CD200R1: variants seen among roughly 807,000 people sequenced by gnomAD.
CD200R1 encodes cell surface glycoprotein CD200 receptor 1.
Under a neutral mutation model 38.1 loss-of-function variants are expected in CD200R1, and 30 were observed. The observed-to-expected ratio is 0.79, with a 90% CI of 0.59 to 1.07. CD200R1 has a LOEUF of 1.07. Among genes scored for constraint, CD200R1 ranks in the 50% least tolerant of loss-of-function variants. The pLI, the probability that CD200R1 is intolerant of heterozygous loss-of-function variation, is 0.00. For synonymous variants in CD200R1, 128 were observed against 152.1 expected, an observed-to-expected ratio of 0.84 and a Z score of 1.16; for missense variants, 372 against 415.4, an observed-to-expected ratio of 0.90 and a Z score of 0.91.
intron 2 of CD200R1, among the ~76,000 whole-genome samples, chr3:112,938,868 A>G (rs1236693500): frequency 6.6e-6 from 1 of 152,056 alleles, no homozygotes; most frequent in African/African-American, 2.4e-5. Context: ...ATAAACATAT[A>G]TATAAAATAC....
In CD200R1 at chr3:112,947,920, C is replaced by T. The variant is rs145811094; in HGVS notation, c.72G>A (p.Ala24=). The T allele has an allele frequency of 3.8e-5, 61 of 1,610,072 alleles. No homozygotes were observed. The highest frequency in any genetic ancestry group is 8.9e-5 in the East Asian group (4 of 44,840). ...AGTTGTTTGGTTGAGCAGCACCCTC[C>T]GCTTCTGAATTTTGAAAAAGACATA... ...LILTIFLVAE[A]EGAAQPNNSL... The change falls in exon 2 of 8, where the codon GCG becomes GCA. Residue 24 remains alanine, a synonymous_variant. Transcript: ENST00000308611.
intron 5 of CD200R1, among the ~76,000 whole-genome samples, chr3:112,927,562 A>G (rs942641101): frequency 8.5e-5 from 13 of 152,192 alleles, no homozygotes; most frequent in African/African-American, 2.9e-4. Context: ...TATGAAAGAA[A>G]GAGTTAAAAA....
chr3:112,974,048 A>G (rs949620600), intron 1 of CD200R1, among the ~76,000 whole-genome samples: 4 of 152,174 alleles, frequency 2.6e-5, no homozygotes, highest in African/African-American at 9.7e-5. Flanking sequence ...GTGCCTAATC[A>G]TCGAAAGTGA....
At chr3:112,941,009 A>T (rs1465623110) in intron 2 of CD200R1, among the ~76,000 whole-genome samples, 1 of 151,842 alleles carries the variant, frequency 6.6e-6, no homozygotes, top group Non-Finnish European at 1.5e-5. Flanking sequence ...AGCAACATGG[A>T]TGGAACCGGA....
Position 112,923,191 on chromosome 3 carries a change from T to G in CD200R1, c.*486A>C, listed in dbSNP as rs1202553508. 1 of 152,012 alleles carries G rather than the reference T, an allele frequency of 6.6e-6. No homozygotes were observed. Among genetic ancestry groups the G allele is most frequent in the Admixed American group, 6.6e-5 (1 of 15,226 alleles). 9.4% of individuals were successfully genotyped at this position (152,012 alleles called of 1,614,324 possible). ...ATCTCTAAGACTTATATTATTAGGT[T>G]TTCATATGTATAGAACAGTAATGCA... is the stretch of plus-strand genomic sequence containing the variant. On this transcript the variant is annotated 3_prime_UTR_variant, in exon 8 of 8. Coordinates refer to ENST00000308611, the MANE Select transcript of CD200R1 (RefSeq NM_138806.4).
At chr3:112,968,568 G>A (rs907340788) in intron 1 of CD200R1, among the ~76,000 whole-genome samples, 7 of 152,242 alleles carry the variant, frequency 4.6e-5, no homozygotes, top group Middle Eastern at 3.4e-3. Context: ...CATTTTTACC[G>A]ATGTTAGTCC....
In CD200R1 at chr3:112,969,476, A is replaced by G. The variant is rs886340203; in HGVS notation, c.67+5315T>C. The stretch of plus-strand genomic sequence containing the variant: ...AAATGACAACTAGAGTGGACATAGT[A>G]TGTGCCACCAACAGTTGCCTCTGAC... On this transcript the variant is annotated intron_variant, in intron 1 of 7. Transcript: ENST00000308611. Among the ~76,000 whole-genome samples, 10 of 152,330 alleles carry G rather than the reference A, an allele frequency of 6.6e-5. No homozygotes were observed. The East Asian group carries it at 1.9e-3, about 29-fold the overall frequency.
At chr3:112,946,050 AAAGG>A (rs1559951087) in intron 2 of CD200R1, among the ~76,000 whole-genome samples, 3 of 150,948 alleles carry the variant, frequency 2.0e-5, no homozygotes, top group Non-Finnish European at 1.5e-5. Context: ...AAAAAAAAAA[AAAGG>A]AGAACGAAAA....
intron 2 of CD200R1, among the ~76,000 whole-genome samples, chr3:112,931,918 C>T (rs1475190490): frequency 6.6e-6 from 1 of 152,146 alleles, no homozygotes; most frequent in Non-Finnish European, 1.5e-5. Context: ...TCCACATCCT[C>T]TTCCTGGATT....
rs147061091 is a variant in CD200R1 at position 112,942,659 on chromosome 3, A to C, written c.136+5197T>G. Among the ~76,000 whole-genome samples the C allele has an allele frequency of 4.8e-3, 728 of 151,704 alleles. 18 individuals carry two copies. The highest frequency in any genetic ancestry group is 0.037 in the Admixed American group (561 of 15,248). On this transcript the variant is annotated intron_variant, in intron 2 of 7. Coordinates refer to ENST00000308611, the MANE Select transcript of CD200R1 (RefSeq NM_138806.4). ...GAACATCAATGGTCTGAATGCACCA[A>C]ATAAAAGACGGAGATTGTCAGAGTA... is the stretch of plus-strand genomic sequence containing the variant.
At chr3:112,964,418 C>T (rs1933104935) in intron 1 of CD200R1, among the ~76,000 whole-genome samples, 1 of 152,210 alleles carries the variant, frequency 6.6e-6, no homozygotes, top group Non-Finnish European at 1.5e-5. Flanking sequence ...CTACCCAAGA[C>T]CATGGGGACC....
chr3:112,947,425 T>C (rs1196060441), intron 2 of CD200R1, among the ~76,000 whole-genome samples: 1 of 152,192 alleles, frequency 6.6e-6, no homozygotes, highest in Non-Finnish European at 1.5e-5. Context: ...CACTCAATTG[T>C]GCTACGATCC....
At position 112,922,186 on chromosome 3, in the gene CD200R1, TTA is replaced by T. The variant is rs1313546111; in HGVS notation, c.*1489_*1490del. ...AATGTCTAGAGGGAGAAAAATATAC[TTA>T]TAAGACAAAATAGCTGTCTTAAAAA... On this transcript the variant is annotated 3_prime_UTR_variant, in exon 8 of 8. Coordinates refer to ENST00000308611, the MANE Select transcript of CD200R1 (RefSeq NM_138806.4). The T allele has an allele frequency of 1.3e-5, 2 of 151,920 alleles. No homozygotes were observed. Among genetic ancestry groups the T allele is most frequent in the Admixed American group, 6.6e-5 (1 of 15,214 alleles). 9.4% of individuals were successfully genotyped at this position (151,920 alleles called of 1,614,324 possible).
chr3:112,929,266 A>G lies in CD200R1; in HGVS notation c.444T>C (p.Thr148=). The change falls in exon 4 of 8, where the codon ACT becomes ACC. Residue 148 remains threonine (T), a synonymous_variant. Transcript: ENST00000308611. ...TTATGCATCTGTAATACCCGTCATG[A>G]GTGATGGCCACGGTACGAATCTGAA... The part of the protein sequence containing the change: ...SDLQIRTVAI[T]HDGYYRCIMV... 6.2e-7 allele frequency: 1 copy of G among 1,614,164 alleles called. No homozygotes were observed. Among genetic ancestry groups the G allele is most frequent in the Non-Finnish European group, 8.5e-7 (1 of 1,180,026 alleles).
intron 5 of CD200R1, among the ~76,000 whole-genome samples, chr3:112,927,612 T>C (rs757165226): frequency 2.6e-5 from 4 of 152,016 alleles, no homozygotes; most frequent in Non-Finnish European, 5.9e-5. Context: ...TCAGATTAAA[T>C]AGACACAGGC....
Position 112,923,517 on chromosome 3 carries a change from A to G in CD200R1, c.*160T>C, listed in dbSNP as rs1940216052. 2 of 427,396 alleles carry G rather than the reference A, an allele frequency of 4.7e-6. No homozygotes were observed. Among genetic ancestry groups the G allele is most frequent in the Non-Finnish European group, 8.3e-6 (2 of 239,820 alleles). 26.5% of individuals were successfully genotyped at this position (427,396 alleles called of 1,614,324 possible). ...TAGCAGCTAAGAATCAAAAATTCCA[A>G]TTATACAAGGGTATGAATGAGAATC... On this transcript the variant is annotated 3_prime_UTR_variant, in exon 8 of 8. Coordinates refer to ENST00000308611, the MANE Select transcript of CD200R1 (RefSeq NM_138806.4).
chr3:112,969,496 T>C (rs1283008174), intron 1 of CD200R1, among the ~76,000 whole-genome samples: 1 of 152,242 alleles, frequency 6.6e-6, no homozygotes, highest in Non-Finnish European at 1.5e-5. Context: ...AACAGTTGCC[T>C]CTGACTTTTT....
intron 1 of CD200R1, among the ~76,000 whole-genome samples, chr3:112,966,331 T>G (rs2107345407): frequency 6.6e-6 from 1 of 152,318 alleles, no homozygotes; most frequent in East Asian, 1.9e-4. Flanking sequence ...ATAGGCAATT[T>G]TAGGCTCTAT....
At chr3:112,947,738 A>G (rs1940894836) in intron 2 of CD200R1, 118 bp downstream of exon 2, 5 of 614,290 alleles carry the variant, frequency 8.1e-6, no homozygotes, top group South Asian at 6.7e-5. Context: ...ACTCTTAAAT[A>G]TAATATCATT....
Sources: gnomAD v4.1 joint callset for allele counts (sites outside exome capture counted in the v4.1 genomes callset) on GRCh38, gnomAD v4.1.1 for gene constraint, MANE v1.5 for transcripts, NCBI Gene and HGNC (gene_info 2026-07-23, HGNC 2026-07-21) for gene names.